The following NBPF3 variants were observed in gnomAD, a reference collection of about 807,000 sequenced individuals.
NBPF3 encodes the protein NBPF family member NBPF3.
NBPF3 carries 57 observed loss-of-function variants against 78.1 expected under a neutral mutation model. The ratio of observed to expected loss-of-function variants is 0.73; its 90% CI spans 0.59 to 0.91. The LOEUF (loss-of-function observed/expected upper bound fraction) is 0.91, where lower values mean the gene tolerates loss of function less well. Ranked by LOEUF, NBPF3 falls within the 40% of genes least tolerant of loss-of-function variation. NBPF3 has a pLI of 0.00. For synonymous variants in NBPF3, 182 were observed against 271.7 expected (o/e 0.67, Z 3.25); for missense variants, 510 against 715.3 (o/e 0.71, Z 3.27).
chr1:21,470,203 G>A (rs1424574475), intron 3 of NBPF3, among the ~76,000 whole-genome samples: 1 of 152,142 alleles, frequency 6.6e-6, no homozygotes, highest in African/African-American at 2.4e-5. Flanking sequence ...TGACATATTT[G>A]TCCTTGAACT....
intron 2 of NBPF3, among the ~76,000 whole-genome samples, chr1:21,464,772 A>G (rs9426761): frequency 6.6e-6 from 1 of 152,058 alleles, no homozygotes; most frequent in African/African-American, 2.4e-5. Flanking sequence ...CTTTTGGAGA[A>G]CTAGGTGGAA....
chr1:21,472,728 C>A, intron 5 of NBPF3, 115 bp from the exon 6 acceptor site: 1 of 807,922 alleles, frequency 1.2e-6, no homozygotes, highest in Admixed American at 1.9e-5. Context: ...AACATGAGAG[C>A]TTTCAGCTGA....
At chr1:21,446,650 G>C (rs116118298) in intron 2 of NBPF3, among the ~76,000 whole-genome samples, 2 of 133,064 alleles carry the variant, frequency 1.5e-5, no homozygotes, top group Admixed American at 1.6e-4. Context: ...TTTCCTTTTT[G>C]TTCTCTCTAC....
intron 8 of NBPF3, among the ~76,000 whole-genome samples, chr1:21,477,509 C>A (rs2148008437): frequency 6.6e-6 from 1 of 152,136 alleles, no homozygotes; most frequent in Middle Eastern, 3.4e-3. Flanking sequence ...TGTTAGTTTT[C>A]CTTTTAACAG....
intron 2 of NBPF3, among the ~76,000 whole-genome samples, chr1:21,465,636 G>T (rs1469277285): frequency 8.5e-5 from 13 of 152,224 alleles, no homozygotes; most frequent in Admixed American, 8.5e-4. Flanking sequence ...CGGGACACAT[G>T]CCTGTCGCAG....
At chr1:21,482,215 G>C (rs1643272357) in intron 13 of NBPF3, among the ~76,000 whole-genome samples, 2 of 149,360 alleles carry the variant, frequency 1.3e-5, no homozygotes, top group African/African-American at 5.0e-5. Context: ...TGATTGGAAA[G>C]ATATGGCATA....
chr1:21,443,986 A>G (rs918624543), intron 1 of NBPF3, among the ~76,000 whole-genome samples: 2 of 152,182 alleles, frequency 1.3e-5, no homozygotes, highest in African/African-American at 4.8e-5. Flanking sequence ...TTATTTATGA[A>G]TATAGTATTC....
intron 2 of NBPF3, among the ~76,000 whole-genome samples, chr1:21,462,342 C>T (rs192927151): frequency 6.6e-6 from 1 of 152,328 alleles, no homozygotes; most frequent in Admixed American, 6.5e-5. Context: ...AAAATGTTCT[C>T]TGTCTTTAAC....
In NBPF3 at chr1:21,471,717, G is replaced by A. The variant is rs1328906537; in HGVS notation, c.595G>A (p.Asp199Asn). Residue 199 changes from aspartate (D) to asparagine (N), a missense_variant, in exon 5 of 15, where the codon GAC becomes AAC. By Grantham distance (23) the Asp-to-Asn change is conservative. This residue lies in a region of NBPF3 where 440 missense variants were observed against 478.2 expected (regional missense o/e 0.92). Coordinates refer to ENST00000318249, the MANE Select transcript of NBPF3 (RefSeq NM_032264.6). ...PDEPDNSQGR[D>N]LREQLAEGCR... ...TGAGCCGGACAACTCCCAGGGACGGGACCTCCGAGAACAGCTGGCTGAGGG... is the reference window on the plus strand; with the variant it reads ...TGAGCCGGACAACTCCCAGGGACGGAACCTCCGAGAACAGCTGGCTGAGGG... 2 of 1,613,078 alleles carry A rather than the reference G, an allele frequency of 1.2e-6. No individual in the cohort carries two copies. Among genetic ancestry groups the A allele is most frequent in the East Asian group, 2.2e-5 (1 of 44,834 alleles).
rs529353742 is a variant in NBPF3, at chr1:21,471,233, G to A, written c.447-336G>A. Among the ~76,000 whole-genome samples, 3 of 152,278 alleles carry A rather than the reference G, an allele frequency of 2.0e-5. No homozygotes were observed. The South Asian group carries it at 6.2e-4, about 32-fold the overall frequency. ...CTAGTCGCTGCAAGATGCACTATGTGTATATGCACGTGGAAATGTCCATGG... is the reference window on the plus strand; with the variant it reads ...CTAGTCGCTGCAAGATGCACTATGTATATATGCACGTGGAAATGTCCATGG... On this transcript the variant is annotated intron_variant, in intron 4 of 14. Coordinates refer to ENST00000318249, the MANE Select transcript of NBPF3 (RefSeq NM_032264.6).
At chr1:21,456,810 A>G (rs867858355) in intron 2 of NBPF3, among the ~76,000 whole-genome samples, 1 of 152,260 alleles carries the variant, frequency 6.6e-6, no homozygotes, top group Non-Finnish European at 1.5e-5. Context: ...CAGATAAAAA[A>G]GTAGAATATC....
At chr1:21,453,449 T>A (rs1464576608) in intron 2 of NBPF3, 2 of 152,208 alleles carry the variant, frequency 1.3e-5, no homozygotes, top group Non-Finnish European at 2.9e-5. Flanking sequence ...AACAGCGGCA[T>A]GCGTGTAAAG....
chr1:21,478,416 G>A lies in NBPF3; in HGVS notation c.1156+109G>A, dbSNP rs531645660. The A allele has an allele frequency of 1.0e-4, 125 of 1,206,456 alleles. 1 individual carries two copies. Among genetic ancestry groups the A allele is most frequent in the Non-Finnish European group, 1.5e-4 (118 of 810,282 alleles). 74.7% of individuals were successfully genotyped at this position (1,206,456 alleles called of 1,614,324 possible). A position where few individuals can be genotyped will look rare whatever the true frequency, so the allele number is the denominator to read the frequency against. ...TGGGCTGAGAGTTGCCATCACTGTG[G>A]GTGGAACCTATATATCAATGTAGAT... On this transcript the variant is annotated intron_variant, in intron 9 of 14. Coordinates refer to ENST00000318249, the MANE Select transcript of NBPF3 (RefSeq NM_032264.6).
At position 21,468,706 on chromosome 1, in the gene NBPF3, C is replaced by A. The variant is rs536691686; in HGVS notation, c.152C>A (p.Ser51Tyr). The change falls in exon 3 of 15, where the codon TCT becomes TAT. Residue 51 changes from serine to tyrosine, a missense_variant. Physicochemically the swap from Ser to Tyr is moderately radical, Grantham distance 144. Around this residue, in one of 5 missense-constraint regions of NBPF3, gnomAD observed 440 missense variants for 478.2 expected, o/e 0.92. Transcript: ENST00000318249. Reference protein sequence around the residue: ...RDPTVPGPTSSATNVSMVVSA... With the variant: ...RDPTVPGPTSYATNVSMVVSA... The stretch of plus-strand genomic sequence containing the variant: ...TCCCCAGTCCCTGGCCCCACCTCTT[C>A]TGCCACAAACGTCAGCATGGTGGTA... 3.1e-6 allele frequency: 5 copies of A among 1,613,242 alleles called. No homozygotes were observed. The African/African-American group carries it at 6.7e-5, about 22-fold the overall frequency.
intron 2 of NBPF3, among the ~76,000 whole-genome samples, chr1:21,449,267 TG>T (rs1641162519): frequency 6.6e-6 from 1 of 152,092 alleles, no homozygotes; most frequent in Non-Finnish European, 1.5e-5. Context: ...ATTCTAGGGA[TG>T]TTTTTTGGGG....
In NBPF3 at chr1:21,470,873, G is replaced by T. The variant is rs369167818; in HGVS notation, c.446+139G>T. On this transcript the variant is annotated intron_variant, in intron 4 of 14. Coordinates refer to ENST00000318249, the MANE Select transcript of NBPF3 (RefSeq NM_032264.6). ...CCATGGCAGGCTCACGACACACAAAGATTTATCAAGCAGAGAACAAGGATA... is the reference window on the plus strand; with the variant it reads ...CCATGGCAGGCTCACGACACACAAATATTTATCAAGCAGAGAACAAGGATA... The T allele has an allele frequency of 1.2e-4, 69 of 553,668 alleles. 1 individual carries two copies. Among genetic ancestry groups the T allele is most frequent in the African/African-American group, 1.2e-3 (62 of 51,986 alleles). 34.3% of individuals were successfully genotyped at this position (553,668 alleles called of 1,614,324 possible).
Position 21,441,454 on chromosome 1 carries a change from C to G in NBPF3, c.-140+1106C>G, listed in dbSNP as rs147600425. Among the ~76,000 whole-genome samples, 1,301 of 152,164 alleles carry G rather than the reference C, an allele frequency of 8.5e-3. 16 individuals are homozygous for G. Among genetic ancestry groups the G allele is most frequent in the African/African-American group, 0.029 (1,204 of 41,490 alleles). ...GGGCGCAGTAGATCACACCTGTAAT[C>G]CCAGCACTTTGGGACGCCAAGGTGG... is the stretch of plus-strand genomic sequence containing the variant. On this transcript the variant is annotated intron_variant, in intron 1 of 14. Coordinates refer to ENST00000318249, the MANE Select transcript of NBPF3 (RefSeq NM_032264.6).
intron 2 of NBPF3, chr1:21,453,267 C>G (rs1405758847): frequency 6.6e-6 from 1 of 152,164 alleles, no homozygotes; most frequent in African/African-American, 2.4e-5. Flanking sequence ...TGCTCTGGCA[C>G]TGAGTATCTG....
chr1:21,464,193 A>C (rs6426705), intron 2 of NBPF3, among the ~76,000 whole-genome samples: 1 of 152,272 alleles, frequency 6.6e-6, no homozygotes, highest in African/African-American at 2.4e-5. Flanking sequence ...AGCATTATTC[A>C]TAATAGTTAA....
Sources: allele counts gnomAD v4.1 joint callset (sites outside exome capture counted in the v4.1 genomes callset), GRCh38; gene constraint gnomAD v4.1.1; regional missense constraint gnomAD v4.1.1; transcripts MANE v1.5; gene names NCBI Gene and HGNC (gene_info 2026-07-23, HGNC 2026-07-21).